The following ALPK1 variants were observed in gnomAD, a reference collection of about 807,000 sequenced individuals.
The protein encoded by ALPK1 is alpha-protein kinase 1.
A neutral mutation model predicts 120.6 loss-of-function variants in ALPK1; 110 were observed. The observed-to-expected ratio is 0.91, with a 90% confidence interval of 0.78 to 1.07. The LOEUF is 1.07. ALPK1 is among the 50% of genes least tolerant of loss of function. The pLI is 0.00. For missense variants in ALPK1, 1,498 were observed against 1,483.9 expected (o/e 1.01, Z -0.16); for synonymous variants, 582 against 560.3 (o/e 1.04, Z -0.55).
At chr4:112,329,164 C>T (rs922563342) in intron 2 of ALPK1, among the ~76,000 whole-genome samples, 11 of 151,894 alleles carry the variant, frequency 7.2e-5, no homozygotes, top group African/African-American at 2.4e-4. Context: ...TTGGGAAGAA[C>T]AAGAAGGCAG....
At chr4:112,330,777 T>C (rs1729335610) in intron 2 of ALPK1, among the ~76,000 whole-genome samples, 1 of 152,230 alleles carries the variant, frequency 6.6e-6, no homozygotes, top group African/African-American at 2.4e-5. Context: ...TCCAGGGTTA[T>C]GGTATGACCG....
At chr4:112,382,645 A>G (rs747939625) in intron 4 of ALPK1, 93 bp downstream of exon 4, 17 of 1,560,444 alleles carry the variant, frequency 1.1e-5, no homozygotes, top group Non-Finnish European at 1.5e-5. Flanking sequence ...TTTGAAGCAC[A>G]AGACAGCCCC....
rs920245380 is a variant in ALPK1 at position 112,357,227 on chromosome 4, G to A, written c.-100-20451G>A. ...GTTTCAGACCAAGGGCTGCATCCTG[G>A]ACTCACTGGACCAGATCATCCAGCA... On this transcript the variant is annotated intron_variant, in intron 2 of 15. Transcript: ENST00000650871. 1.2e-5 allele frequency: 18 copies of A among 1,523,554 alleles called. No homozygotes were observed. The African/African-American group carries it at 2.3e-4, about 20-fold the overall frequency. 94.4% of individuals were successfully genotyped at this position (1,523,554 alleles called of 1,614,324 possible).
intron 2 of ALPK1, among the ~76,000 whole-genome samples, chr4:112,323,226 G>A (rs961486161): frequency 4.6e-5 from 7 of 152,144 alleles, no homozygotes; most frequent in Admixed American, 3.9e-4. Flanking sequence ...TAAGCAAAGC[G>A]TATCTTAACT....
chr4:112,385,422 G>A (rs1393449580), intron 4 of ALPK1, among the ~76,000 whole-genome samples: 2 of 152,158 alleles, frequency 1.3e-5, no homozygotes, highest in Admixed American at 6.5e-5. Flanking sequence ...TCTAAGGGGC[G>A]CTGTCTATTA....
rs569234202 is a variant in ALPK1 at position 112,441,537 on chromosome 4, A to G, written c.*327A>G. On this transcript the variant is annotated 3_prime_UTR_variant, in exon 16 of 16. Transcript: ENST00000650871. ...TTTGTCACTATCTGTCAAGACTGAT[A>G]CTACTGGGGCTTTTCCTATTGATTT... 3.2e-6 allele frequency: 1 copy of G among 308,590 alleles called. No individual in the cohort carries two copies. Among genetic ancestry groups the G allele is most frequent in the Non-Finnish European group, 6.0e-6 (1 of 167,170 alleles). 19.1% of individuals were successfully genotyped at this position (308,590 alleles called of 1,614,324 possible). A position where few individuals can be genotyped will look rare whatever the true frequency, so the allele number is the denominator to read the frequency against.
intron 4 of ALPK1, among the ~76,000 whole-genome samples, chr4:112,391,748 C>T (rs914319926): frequency 1.2e-4 from 18 of 152,250 alleles, no homozygotes; most frequent in African/African-American, 4.3e-4. Flanking sequence ...AGAGCATGGC[C>T]CCACTGACGT....
At chr4:112,425,633 T>C (rs368808111) in intron 6 of ALPK1, 32 bp from the exon 7 acceptor site, 30 of 1,568,340 alleles carry the variant, frequency 1.9e-5, no homozygotes, top group Non-Finnish European at 2.5e-5. Flanking sequence ...ATATCTCTGA[T>C]AATTCAAGGG....
chr4:112,319,785 A>G (rs1728787578), intron 2 of ALPK1, among the ~76,000 whole-genome samples: 1 of 152,076 alleles, frequency 6.6e-6, no homozygotes, highest in South Asian at 2.1e-4. Flanking sequence ...ATTCCTAAGT[A>G]ATTTATTTTT....
intron 2 of ALPK1, among the ~76,000 whole-genome samples, chr4:112,347,725 G>T (rs1730160175): frequency 6.6e-6 from 1 of 152,174 alleles, no homozygotes; most frequent in Admixed American, 6.5e-5. Flanking sequence ...ATACCATTGA[G>T]AAGTTTACAG....
rs1304567628 is a variant in ALPK1, at chr4:112,432,162, A to G, written c.2615A>G (p.His872Arg). 6.2e-7 allele frequency: 1 copy of G among 1,613,184 alleles called. No homozygotes were observed. The highest frequency in any genetic ancestry group is 8.5e-7 in the Non-Finnish European group (1 of 1,179,228). The stretch of plus-strand genomic sequence containing the variant: ...CCCTGCACAAATGGGCACGGCTCTC[A>G]TAGACTGTGCATTCTGAGACAGCCG... ...DVPCTNGHGS[H>R]RLCILRQPPG... Residue 872 changes from histidine to arginine, a missense_variant, in exon 11 of 16, where the codon CAT becomes CGT. His to Arg is a conservative substitution (Grantham distance 29). Coordinates refer to ENST00000650871, the MANE Select transcript of ALPK1 (RefSeq NM_025144.4).
At chr4:112,368,943 A>G (rs968769435) in intron 2 of ALPK1, among the ~76,000 whole-genome samples, 5 of 152,218 alleles carry the variant, frequency 3.3e-5, no homozygotes, top group African/African-American at 1.2e-4. Context: ...CAGTGAAACC[A>G]GTTTTAAGTT....
intron 1 of ALPK1, among the ~76,000 whole-genome samples, chr4:112,307,755 C>T (rs1183739706): frequency 2.0e-5 from 3 of 152,008 alleles, no homozygotes; most frequent in African/African-American, 4.8e-5. Context: ...ACATTTAAGG[C>T]TAATATTGTT....
intron 2 of ALPK1, among the ~76,000 whole-genome samples, chr4:112,373,258 C>T (rs1464398290): frequency 1.3e-5 from 2 of 152,196 alleles, no homozygotes; most frequent in African/African-American, 4.8e-5. Context: ...CACTAATTAG[C>T]TCTTTTATCA....
rs772953119 is a variant in ALPK1 at position 112,438,572 on chromosome 4, A to C, written c.3277A>C (p.Thr1093Pro). 6.2e-7 allele frequency: 1 copy of C among 1,613,932 alleles called. No homozygotes were observed. The change falls in exon 13 of 16, where the codon ACA (threonine) becomes CCA (proline). Residue 1093 changes from threonine to proline, a missense_variant. Coordinates refer to ENST00000650871, the MANE Select transcript of ALPK1 (RefSeq NM_025144.4). ...ACAGATGACCGCACAGCACTATGTGACAGAATTTAACAAGAGACTCTATGA... is the reference window on the plus strand; with the variant it reads ...ACAGATGACCGCACAGCACTATGTGCCAGAATTTAACAAGAGACTCTATGA... ...ERQMTAQHYV[T>P]EFNKRLYEQN...
At chr4:112,375,097 G>T (rs564263145) in intron 2 of ALPK1, among the ~76,000 whole-genome samples, 4 of 152,056 alleles carry the variant, frequency 2.6e-5, no homozygotes, top group African/African-American at 7.2e-5. Flanking sequence ...AGTCCTAGAC[G>T]GTATCTTCTT....
chr4:112,322,273 C>T (rs1185110437), intron 2 of ALPK1, among the ~76,000 whole-genome samples: 2 of 152,156 alleles, frequency 1.3e-5, no homozygotes, highest in African/African-American at 2.4e-5. Context: ...TTCAAAGAGA[C>T]AAGAGTATGA....
intron 1 of ALPK1, among the ~76,000 whole-genome samples, chr4:112,303,905 C>A (rs1230261442): frequency 6.6e-6 from 1 of 152,116 alleles, no homozygotes; most frequent in Non-Finnish European, 1.5e-5. Flanking sequence ...CCCCATTCCC[C>A]AACCCCACTA....
intron 2 of ALPK1, among the ~76,000 whole-genome samples, chr4:112,362,211 A>G (rs950705128): frequency 6.6e-6 from 1 of 152,246 alleles, no homozygotes; most frequent in Non-Finnish European, 1.5e-5. Flanking sequence ...ACACTAGCTC[A>G]CCAGCAATGG....
Sources: gnomAD v4.1 joint callset for allele counts (sites outside exome capture counted in the v4.1 genomes callset) on GRCh38, gnomAD v4.1.1 for gene constraint, MANE v1.5 for transcripts, NCBI Gene and HGNC (gene_info 2026-07-23, HGNC 2026-07-21) for gene names.